ALMS1: variants seen among roughly 807,000 people sequenced by gnomAD.
ALMS1 encodes the protein ALMS1 centrosome and basal body associated protein.
Under a neutral mutation model 352.2 loss-of-function variants are expected in ALMS1, and 271 were observed. The ratio of observed to expected loss-of-function variants is 0.77; its 90% CI spans 0.70 to 0.85. The LOEUF is 0.85. Ranked by LOEUF, ALMS1 falls within the 40% of genes least tolerant of loss-of-function variation. The pLI is 0.00. For missense variants in ALMS1, 5,445 were observed against 4,870.7 expected, an observed-to-expected ratio of 1.12 and a Z score of -3.51; for synonymous variants, 1,865 against 1,761.2, an observed-to-expected ratio of 1.06 and a Z score of -1.48.
At chr2:73,394,569 C>T (rs577518266) in intron 1 of ALMS1, among the ~76,000 whole-genome samples, 6 of 151,990 alleles carry the variant, frequency 3.9e-5, no homozygotes, top group South Asian at 2.1e-4. Context: ...AGGCTGGTCT[C>T]GAACTCCTGA....
chr2:73,524,610 G>A (rs913981738), intron 11 of ALMS1, among the ~76,000 whole-genome samples: 25 of 151,942 alleles, frequency 1.6e-4, no homozygotes, highest in East Asian at 3.9e-4. Context: ...CCGCCACCAC[G>A]CCTGGCTAAT....
At chr2:73,521,857 T>C (rs1673687716) in intron 11 of ALMS1, among the ~76,000 whole-genome samples, 1 of 152,248 alleles carries the variant, frequency 6.6e-6, no homozygotes, top group Admixed American at 6.5e-5. Context: ...AGAATCGATA[T>C]TATTTGGTTT....
chr2:73,514,716 A>G (rs1331344017), intron 10 of ALMS1, among the ~76,000 whole-genome samples: 3 of 152,164 alleles, frequency 2.0e-5, no homozygotes, highest in East Asian at 1.9e-4. Context: ...CCTTCAGCCT[A>G]AAAAATTTCC....
chr2:73,432,584 A>G (rs954852172), intron 7 of ALMS1, among the ~76,000 whole-genome samples: 19 of 152,110 alleles, frequency 1.2e-4, no homozygotes, highest in African/African-American at 4.6e-4. Context: ...GTCATAGATG[A>G]CATGTTCCTC....
At chr2:73,585,501 C>A (rs1418084663) in intron 16 of ALMS1, among the ~76,000 whole-genome samples, 2 of 149,324 alleles carry the variant, frequency 1.3e-5, no homozygotes, top group African/African-American at 4.9e-5. Context: ...TCAAGAGATT[C>A]TTCTGCCTCA....
chr2:73,454,586 A>G (rs1166537297), intron 8 of ALMS1, among the ~76,000 whole-genome samples: 2 of 152,200 alleles, frequency 1.3e-5, no homozygotes, highest in East Asian at 3.8e-4. Flanking sequence ...AATGTATTTT[A>G]TACTAAAACT....
intron 16 of ALMS1, among the ~76,000 whole-genome samples, chr2:73,583,093 A>G (rs907250110): frequency 6.8e-6 from 1 of 148,058 alleles, no homozygotes; most frequent in Non-Finnish European, 1.5e-5. Flanking sequence ...TACTGTTTTG[A>G]TTTGCATTGC....
At chr2:73,425,727 T>A (rs1671365371) in intron 5 of ALMS1, among the ~76,000 whole-genome samples, 1 of 152,158 alleles carries the variant, frequency 6.6e-6, no homozygotes, top group South Asian at 2.1e-4. Flanking sequence ...ATTATAATGA[T>A]GAAACCTCTT....
intron 9 of ALMS1, among the ~76,000 whole-genome samples, chr2:73,485,831 G>A (rs890349944): frequency 3.9e-5 from 6 of 152,084 alleles, no homozygotes; most frequent in East Asian, 3.9e-4. Flanking sequence ...GGAGTGACCC[G>A]ATTTTCCAGG....
intron 15 of ALMS1, among the ~76,000 whole-genome samples, chr2:73,559,733 T>C (rs189504546): frequency 1.3e-5 from 2 of 152,238 alleles, no homozygotes; most frequent in Admixed American, 1.3e-4. Context: ...ATCAAGAATA[T>C]ACAAAATAAA....
intron 10 of ALMS1, among the ~76,000 whole-genome samples, chr2:73,513,975 T>A (rs1165455627): frequency 6.6e-6 from 1 of 152,074 alleles, no homozygotes; most frequent in East Asian, 1.9e-4. Flanking sequence ...TAAGATTGTA[T>A]TGTTTGGGAT....
intron 6 of ALMS1, among the ~76,000 whole-genome samples, chr2:73,431,019 C>T (rs1192426472): frequency 2.0e-5 from 3 of 151,984 alleles, no homozygotes; most frequent in Non-Finnish European, 2.9e-5. Flanking sequence ...GAGAGCAGGG[C>T]TTCTTAGCAG....
intron 7 of ALMS1, among the ~76,000 whole-genome samples, chr2:73,437,567 G>A (rs1282624650): frequency 2.0e-5 from 3 of 152,044 alleles, no homozygotes; most frequent in Non-Finnish European, 4.4e-5. Flanking sequence ...CTTCCATTCT[G>A]CCTTGTTACT....
In ALMS1 at chr2:73,601,281, T is replaced by C. The variant is rs375540445; in HGVS notation, c.11959T>C (p.Trp3987Arg). 6 of 1,614,122 alleles carry C rather than the reference T, an allele frequency of 3.7e-6. No homozygotes were observed. The African/African-American group carries it at 6.7e-5, about 18-fold the overall frequency. ...VPNTCGPGISWFEPITKTRPW... is the reference protein window; with the variant it reads ...VPNTCGPGISRFEPITKTRPW... ...TAACACTTGTGGCCCTGGCATCTCC[T>C]GGTTTGAACCAATAACCAAGACCAG... Residue 3987 changes from tryptophan (W) to arginine (R), a missense_variant, in exon 19 of 23, where the codon TGG (tryptophan) becomes CGG (arginine). Coordinates refer to ENST00000613296, the MANE Select transcript of ALMS1 (RefSeq NM_001378454.1).
intron 10 of ALMS1, among the ~76,000 whole-genome samples, chr2:73,519,166 A>G (rs954388113): frequency 6.6e-6 from 1 of 152,208 alleles, no homozygotes; most frequent in African/African-American, 2.4e-5. Context: ...CCAGTCACTT[A>G]GTTCAGTGCA....
chr2:73,518,914 G>A (rs1673614821), intron 10 of ALMS1, among the ~76,000 whole-genome samples: 2 of 152,096 alleles, frequency 1.3e-5, no homozygotes, highest in Non-Finnish European at 1.5e-5. Flanking sequence ...CTGTGCAGAA[G>A]CTCTTATGTT....
At chr2:73,385,788 A>T, upstream of ALMS1, 1 of 619,806 alleles carries the variant, frequency 1.6e-6, no homozygotes, top group Non-Finnish European at 2.9e-6. Flanking sequence ...AAGCTGGGCC[A>T]CAACCGCCAG....
At position 73,573,160 on chromosome 2, in the gene ALMS1, C is replaced by T. The variant is rs183916999; in HGVS notation, c.11283C>T (p.Val3761=). The T allele has an allele frequency of 6.4e-5, 103 of 1,613,564 alleles. 1 individual carries two copies. The highest frequency in any genetic ancestry group is 7.7e-5 in the South Asian group (7 of 90,964). ...TCCTTTCCGGCACCACTTCTACTGT[C>T]GAATCAGATATATTGACCCAAACAG... ...TNILSGTTST[V]ESDILTQTDR... is the part of the protein sequence containing the mutation. The change falls in exon 16 of 23, where the codon GTC becomes GTT. Residue 3761 remains valine, a synonymous_variant. Transcript: ENST00000613296.
At chr2:73,423,230 T>G (rs1357333483) in intron 4 of ALMS1, among the ~76,000 whole-genome samples, 1 of 152,204 alleles carries the variant, frequency 6.6e-6, no homozygotes, top group Admixed American at 6.5e-5. Context: ...CAGGCATATT[T>G]TAATTTAGAA....
Sources: allele counts gnomAD v4.1 joint callset (sites outside exome capture counted in the v4.1 genomes callset), GRCh38; gene constraint gnomAD v4.1.1; transcripts MANE v1.5; gene names NCBI Gene and HGNC (gene_info 2026-07-23, HGNC 2026-07-21).